ZBTB20: variants seen among roughly 807,000 people sequenced by gnomAD.
The protein encoded by ZBTB20 is zinc finger and BTB domain-containing protein 20.
In ZBTB20, 9 loss-of-function variants were observed where a neutral mutation model predicts 56.9. The ratio of observed to expected loss-of-function variants is 0.16; its 90% CI spans 0.10 to 0.28. ZBTB20 has a LOEUF of 0.28. Ranked by LOEUF, ZBTB20 falls within the 10% of genes least tolerant of loss-of-function variation. ZBTB20 has a pLI of 1.00. For missense variants in ZBTB20, 655 were observed against 1,003.0 expected, an observed-to-expected ratio of 0.65 and a Z score of 4.69; for synonymous variants, 417 against 420.7, an observed-to-expected ratio of 0.99 and a Z score of 0.11.
chr3:114,321,174 ACCAAAT>A lies in ZBTB20; in HGVS notation c.*17825_*17830del, dbSNP rs2078880520. 2 of 152,226 alleles carry A rather than the reference ACCAAAT, an allele frequency of 1.3e-5. No homozygotes were observed. Among genetic ancestry groups the A allele is most frequent in the African/African-American group, 4.8e-5 (2 of 41,450 alleles). 9.4% of individuals were successfully genotyped at this position (152,226 alleles called of 1,614,324 possible). Reference sequence around the variant, plus strand: ...CACTGATAAAGAGAGAAACCAAGGAACCAAATGACTTTTCTAGTAACATATAATATA... The same window carrying A: ...CACTGATAAAGAGAGAAACCAAGGAAGACTTTTCTAGTAACATATAATATA... On this transcript the variant is annotated 3_prime_UTR_variant, in exon 12 of 12. Transcript: ENST00000675478.
In ZBTB20 at chr3:114,576,501, C is replaced by CAA. The variant is rs61714991; in HGVS notation, c.-294-76112_-294-76111dup. Among the ~76,000 whole-genome samples the CAA allele has an allele frequency of 3.7e-4, 9 of 24,082 alleles. 2 individuals carry two copies. Among genetic ancestry groups the CAA allele is most frequent in the Non-Finnish European group, 6.9e-4 (9 of 12,986 alleles). The allele number at this position is 24,082 out of a possible 152,430, so 15.8% of individuals were successfully genotyped here. Reference sequence around the variant, plus strand: ...TGGGTGACAGAGCAAGACTCCGTCTCAAAAAAAAAAAAAAAAAAAAAAAAA... The same window carrying CAA: ...TGGGTGACAGAGCAAGACTCCGTCTCAAAAAAAAAAAAAAAAAAAAAAAAAAA... On this transcript the variant is annotated intron_variant, in intron 6 of 11. Transcript: ENST00000675478.
rs186496224 is a variant in ZBTB20, at chr3:114,961,326, G to A, written c.-456+13040C>T. Among the ~76,000 whole-genome samples the A allele has an allele frequency of 8.9e-3, 1,345 of 151,972 alleles. 21 individuals carry two copies. The highest frequency in any genetic ancestry group is 0.021 in the South Asian group (100 of 4,820). On this transcript the variant is annotated intron_variant, in intron 3 of 11. Coordinates refer to ENST00000675478, the MANE Select transcript of ZBTB20 (RefSeq NM_001348800.3). ...ATAAAAGGCATCTGGTTTGCAGTAG[G>A]GTTGTAGACCTTGCAAGACTTCTGC...
chr3:115,033,466 C>T (rs2080786926), intron 2 of ZBTB20, among the ~76,000 whole-genome samples: 1 of 151,386 alleles, frequency 6.6e-6, no homozygotes, highest in Non-Finnish European at 1.5e-5. Context: ...CTAAAGTTTC[C>T]TCAAAAAACA....
intron 7 of ZBTB20, among the ~76,000 whole-genome samples, chr3:114,421,113 T>C (rs1377051954): frequency 6.6e-6 from 1 of 152,146 alleles, no homozygotes; most frequent in Non-Finnish European, 1.5e-5. Flanking sequence ...TTCTTAGGGC[T>C]TTTCCTATCT....
At chr3:114,913,730 C>A (rs1246408333) in intron 3 of ZBTB20, among the ~76,000 whole-genome samples, 2 of 151,112 alleles carry the variant, frequency 1.3e-5, no homozygotes, top group African/African-American at 4.9e-5. Flanking sequence ...AGACTTAAGT[C>A]TTTAATTCAT....
intron 6 of ZBTB20, among the ~76,000 whole-genome samples, chr3:114,531,293 CTAAT>C (rs2047813951): frequency 6.6e-6 from 1 of 152,146 alleles, no homozygotes; most frequent in Non-Finnish European, 1.5e-5. Context: ...TCTAAATTAT[CTAAT>C]TAAGTTCTAA....
intron 10 of ZBTB20, among the ~76,000 whole-genome samples, chr3:114,375,570 C>T (rs1020044338): frequency 9.2e-5 from 14 of 152,200 alleles, no homozygotes; most frequent in African/African-American, 3.4e-4. Context: ...CCCCAGTGGG[C>T]ATGCCTGCAA....
chr3:114,828,393 G>A (rs895844515), intron 4 of ZBTB20, among the ~76,000 whole-genome samples: 3 of 151,530 alleles, frequency 2.0e-5, no homozygotes, highest in African/African-American at 4.8e-5. Flanking sequence ...TGGAATTCAC[G>A]TTTAATGACT....
chr3:114,839,515 C>A (rs2074293309), intron 4 of ZBTB20, among the ~76,000 whole-genome samples: 1 of 151,206 alleles, frequency 6.6e-6, no homozygotes, highest in Admixed American at 6.6e-5. Context: ...GAAAGGAAAT[C>A]TCAGATATAT....
At chr3:115,054,048 C>T (rs561306912) in intron 2 of ZBTB20, among the ~76,000 whole-genome samples, 22 of 152,054 alleles carry the variant, frequency 1.4e-4, no homozygotes, top group Non-Finnish European at 2.9e-4. Context: ...CCCCATTAGT[C>T]AATTTCTGCT....
chr3:115,097,273 G>C (rs1209322850), intron 1 of ZBTB20, among the ~76,000 whole-genome samples: 1 of 152,078 alleles, frequency 6.6e-6, no homozygotes, highest in African/African-American at 2.4e-5. Context: ...CCACCTCCCG[G>C]GTTCAAGGGA....
At chr3:114,850,019 C>A (rs2074920862) in intron 4 of ZBTB20, among the ~76,000 whole-genome samples, 1 of 151,224 alleles carries the variant, frequency 6.6e-6, no homozygotes. Flanking sequence ...CCTGCCTCAG[C>A]CTCCTGAGTA....
chr3:114,734,863 T>A (rs2066026117), intron 5 of ZBTB20, among the ~76,000 whole-genome samples: 1 of 151,958 alleles, frequency 6.6e-6, no homozygotes, highest in South Asian at 2.1e-4. Flanking sequence ...CATTCTATCT[T>A]AGGGGGCACT....
intron 7 of ZBTB20, among the ~76,000 whole-genome samples, chr3:114,470,825 T>C (rs1017502602): frequency 2.0e-5 from 3 of 152,168 alleles, no homozygotes; most frequent in African/African-American, 7.2e-5. Context: ...ATACAATTGG[T>C]TATCAGAGCT....
Position 114,314,624 on chromosome 3 carries a change from CA to C in ZBTB20, c.*24380del, listed in dbSNP as rs1355679454. The C allele has an allele frequency of 6.8e-6, 1 of 146,894 alleles. No homozygotes were observed. The highest frequency in any genetic ancestry group is 1.5e-5 in the Non-Finnish European group (1 of 66,446). 9.1% of individuals were successfully genotyped at this position (146,894 alleles called of 1,614,324 possible). A position where few individuals can be genotyped will look rare whatever the true frequency, so the allele number is the denominator to read the frequency against. ...CTGGTAACATTTAAAAAAAAAACAA[CA>C]AAAACCCCAAAAAAACAAACATCAT... On this transcript the variant is annotated 3_prime_UTR_variant, in exon 12 of 12. Transcript: ENST00000675478.
intron 6 of ZBTB20, among the ~76,000 whole-genome samples, chr3:114,666,300 A>T (rs2061050842): frequency 6.6e-6 from 1 of 152,016 alleles, no homozygotes; most frequent in Admixed American, 6.6e-5. Flanking sequence ...TCCTTGCCTC[A>T]GTAGAAATTT....
At chr3:115,057,207 G>A (rs755146932) in intron 2 of ZBTB20, among the ~76,000 whole-genome samples, 1 of 151,954 alleles carries the variant, frequency 6.6e-6, no homozygotes, top group African/African-American at 2.4e-5. Flanking sequence ...ATATAAGAAA[G>A]TTTAAATCCA....
intron 6 of ZBTB20, among the ~76,000 whole-genome samples, chr3:114,594,360 G>A (rs144023958): frequency 0.021 from 3,194 of 150,180 alleles, 104 homozygotes; most frequent in African/African-American, 0.073. Flanking sequence ...TCCGCCGCCC[G>A]GGTTCAAGTG....
intron 4 of ZBTB20, among the ~76,000 whole-genome samples, chr3:114,894,247 C>A (rs2074769259): frequency 6.6e-6 from 1 of 152,168 alleles, no homozygotes; most frequent in Non-Finnish European, 1.5e-5. Flanking sequence ...GAAATAACAT[C>A]TTCCTCACAG....
Sources: gnomAD v4.1 joint callset for allele counts (sites outside exome capture counted in the v4.1 genomes callset) on GRCh38, gnomAD v4.1.1 for gene constraint, MANE v1.5 for transcripts, NCBI Gene and HGNC (gene_info 2026-07-23, HGNC 2026-07-21) for gene names.